The following TAF3 variants were observed in gnomAD, a reference collection of about 807,000 sequenced individuals.
TAF3 encodes transcription initiation factor TFIID subunit 3.
TAF3 carries 7 observed loss-of-function variants against 80.6 expected under a neutral mutation model. That is an observed-to-expected ratio of 0.09 (90% confidence interval 0.05 to 0.16). The LOEUF (loss-of-function observed/expected upper bound fraction) is 0.16. Among genes scored for constraint, TAF3 ranks in the 10% least tolerant of loss-of-function variants. The pLI is 1.00. For missense variants in TAF3, 921 were observed against 1,140.2 expected (o/e 0.81, Z 2.77); for synonymous variants, 444 against 446.1 (o/e 1.00, Z 0.06).
At chr10:7,982,870 T>G (rs1831738827) in intron 4 of TAF3, among the ~76,000 whole-genome samples, 1 of 152,204 alleles carries the variant, frequency 6.6e-6, no homozygotes, top group South Asian at 2.1e-4. Flanking sequence ...TTGCACACTT[T>G]CCAAGAGGAA....
Position 8,009,030 on chromosome 10 carries a change from C to G in TAF3, c.2316-48C>G, listed in dbSNP as rs1043701278. On this transcript the variant is annotated intron_variant, in intron 4 of 6. Transcript: ENST00000344293. This position sits in a 1 kb window ranked among gnomAD's most constrained non-coding sequence, Gnocchi z 4.1. The stretch of plus-strand genomic sequence containing the variant: ...CATGTTTTTAAGCACGGGTTTGGTT[C>G]GATGATGATCCTGTTTTGACTTTTA... The G allele has an allele frequency of 6.4e-7, 1 of 1,563,090 alleles. No individual in the cohort carries two copies. Among genetic ancestry groups the G allele is most frequent in the African/African-American group, 1.4e-5 (1 of 73,154 alleles).
chr10:7,865,860 T>A (rs1175416702), intron 2 of TAF3, among the ~76,000 whole-genome samples: 3 of 151,906 alleles, frequency 2.0e-5, no homozygotes, highest in Non-Finnish European at 4.4e-5. Context: ...TTCTAGCTGC[T>A]CCGTTTTATG....
chr10:7,863,289 A>G (rs1372509741), intron 2 of TAF3, among the ~76,000 whole-genome samples: 1 of 152,086 alleles, frequency 6.6e-6, no homozygotes, highest in African/African-American at 2.4e-5. Flanking sequence ...GAGAGAGTTG[A>G]GATCTTCACA....
chr10:7,939,211 A>G (rs1193989318), intron 2 of TAF3, among the ~76,000 whole-genome samples: 2 of 152,194 alleles, frequency 1.3e-5, no homozygotes, highest in African/African-American at 4.8e-5. Context: ...TTTATTGGCT[A>G]AACATTGAGT....
chr10:8,006,834 C>T (rs114900301), intron 4 of TAF3, among the ~76,000 whole-genome samples: 38 of 152,312 alleles, frequency 2.5e-4, no homozygotes, highest in African/African-American at 8.9e-4. Context: ...GAACATGGCA[C>T]GGGGCCGGCA....
Position 7,906,956 on chromosome 10 carries a change from A to T in TAF3, c.410-56964A>T, listed in dbSNP as rs560900318. Among the ~76,000 whole-genome samples, 577 of 151,944 alleles carry T rather than the reference A, an allele frequency of 3.8e-3. 1 individual carries two copies. Among genetic ancestry groups the T allele is most frequent in the African/African-American group, 0.013 (537 of 41,452 alleles). On this transcript the variant is annotated intron_variant, in intron 2 of 6. Transcript: ENST00000344293. The stretch of plus-strand genomic sequence containing the variant: ...CCTAACAGCGTGATTCTTATCTAAG[A>T]CTTTGCATGTGAAGTGTAGCCTTTC...
At chr10:7,856,206 T>C (rs760012338) in intron 2 of TAF3, among the ~76,000 whole-genome samples, 1 of 152,110 alleles carries the variant, frequency 6.6e-6, no homozygotes, top group African/African-American at 2.4e-5. Context: ...AGATTTTGGC[T>C]GGGCGCAGTG....
chr10:7,987,251 G>T (rs1831787515), intron 4 of TAF3, among the ~76,000 whole-genome samples: 1 of 152,108 alleles, frequency 6.6e-6, no homozygotes, highest in African/African-American at 2.4e-5. Flanking sequence ...GGGAAATCGA[G>T]GCTACAGTGA....
At position 7,830,473 on chromosome 10, in the gene TAF3, C is replaced by CTTTTTTT. The variant is rs1176707860; in HGVS notation, c.409+5935_409+5941dup. 3.8e-3 allele frequency among the ~76,000 whole-genome samples: 222 copies of CTTTTTTT among 57,724 alleles called. 46 individuals carry two copies. The highest frequency in any genetic ancestry group is 7.3e-3 in the East Asian group (11 of 1,514). 37.9% of individuals were successfully genotyped at this position (57,724 alleles called of 152,430 possible). ...TGCACACCTTTTTCACTTTACATGTCTTTTTTTTTTTTTTTTTTTTTTTTT... is the reference window on the plus strand; with the variant it reads ...TGCACACCTTTTTCACTTTACATGTCTTTTTTTTTTTTTTTTTTTTTTTTTTTTTTTT... On this transcript the variant is annotated intron_variant, in intron 2 of 6. Coordinates refer to ENST00000344293, the MANE Select transcript of TAF3 (RefSeq NM_031923.4).
At chr10:7,856,575 A>G (rs1235350228) in intron 2 of TAF3, among the ~76,000 whole-genome samples, 1 of 152,232 alleles carries the variant, frequency 6.6e-6, no homozygotes, top group Non-Finnish European at 1.5e-5. Flanking sequence ...ACAAAAGTTC[A>G]GAGCAGAAGC....
At position 8,009,144 on chromosome 10, in the gene TAF3, C is replaced by T. The variant is rs1370792737; in HGVS notation, c.2382C>T (p.Thr794=). 1 of 1,588,220 alleles carries T rather than the reference C, an allele frequency of 6.3e-7. No individual in the cohort carries two copies. The highest frequency in any genetic ancestry group is 8.6e-7 in the Non-Finnish European group (1 of 1,168,134). Residue 794 remains threonine (T), a synonymous_variant, in exon 5 of 7, where the codon ACC becomes ACT. Transcript: ENST00000344293. This position sits in a 1 kb window ranked among gnomAD's most constrained non-coding sequence, Gnocchi z 4.1. ...CGCCCTCGCAGAACAGGCCGAAGACCCCACCGCCGGCCCCCGCGCCCGCCC... is the reference window on the plus strand; with the variant it reads ...CGCCCTCGCAGAACAGGCCGAAGACTCCACCGCCGGCCCCCGCGCCCGCCC... ...KPAPSQNRPK[T]PPPAPAPAPG...
intron 4 of TAF3, among the ~76,000 whole-genome samples, chr10:7,990,202 A>G (rs1286641070): frequency 3.3e-5 from 5 of 152,218 alleles, no homozygotes; most frequent in Non-Finnish European, 5.9e-5. Flanking sequence ...GAGTTCTGCT[A>G]AAACACTGAG....
chr10:7,832,233 C>G (rs1836808479), intron 2 of TAF3, among the ~76,000 whole-genome samples: 1 of 152,120 alleles, frequency 6.6e-6, no homozygotes, highest in African/African-American at 2.4e-5. Flanking sequence ...AACCACTGTT[C>G]TACTCTCTGC....
chr10:8,008,047 G>A (rs896308684), intron 4 of TAF3, among the ~76,000 whole-genome samples: 6 of 150,908 alleles, frequency 4.0e-5, no homozygotes, highest in African/African-American at 1.2e-4. Context: ...AGAAGCTGCC[G>A]CTGCATTACC....
intron 2 of TAF3, among the ~76,000 whole-genome samples, chr10:7,855,072 A>G (rs1837065090): frequency 6.6e-6 from 1 of 152,198 alleles, no homozygotes; most frequent in African/African-American, 2.4e-5. Flanking sequence ...AAAAGGCAAG[A>G]GTAACCCATT....
At chr10:7,942,860 A>G (rs1837989028) in intron 2 of TAF3, among the ~76,000 whole-genome samples, 1 of 152,216 alleles carries the variant, frequency 6.6e-6, no homozygotes, top group African/African-American at 2.4e-5. Flanking sequence ...AATGTTTAGA[A>G]CATTGTGCAG....
intron 5 of TAF3, among the ~76,000 whole-genome samples, chr10:8,011,338 C>G (rs574150333): frequency 6.6e-6 from 1 of 152,180 alleles, no homozygotes; most frequent in South Asian, 2.1e-4. Context: ...ACTGCAGCCT[C>G]GACCTCCTGG....
At chr10:7,866,394 A>G (rs1837215299) in intron 2 of TAF3, among the ~76,000 whole-genome samples, 1 of 152,226 alleles carries the variant, frequency 6.6e-6, no homozygotes, top group South Asian at 2.1e-4. Context: ...CTGACCACGG[A>G]ATTTCAGGGC....
rs1836765874 is a variant in TAF3 at position 7,828,511 on chromosome 10, A to G, written c.409+3951A>G. Among the ~76,000 whole-genome samples, 3 of 152,150 alleles carry G rather than the reference A, an allele frequency of 2.0e-5. No individual in the cohort carries two copies. The South Asian group carries it at 6.2e-4, about 32-fold the overall frequency. On this transcript the variant is annotated intron_variant, in intron 2 of 6. Transcript: ENST00000344293. ...GTTACAGTTCTGATGGCTGGTACCC[A>G]GTGTGTTTTATCCAAGAACATTCTC... is the stretch of plus-strand genomic sequence containing the variant.
Sources: gnomAD v4.1 joint callset for allele counts (sites outside exome capture counted in the v4.1 genomes callset) on GRCh38, gnomAD v4.1.1 for gene constraint, Gnocchi (gnomAD v3.1) non-coding constraint, MANE v1.5 for transcripts, NCBI Gene and HGNC (gene_info 2026-07-23, HGNC 2026-07-21) for gene names.